Variants in PRELID2 observed in about 807,000 individuals in gnomAD.
PRELID2 encodes the protein PRELI domain containing 2.
In PRELID2, 25 loss-of-function variants were observed where a neutral mutation model predicts 28.4. The observed-to-expected ratio is 0.88, with a 90% CI of 0.64 to 1.23. The LOEUF (loss-of-function observed/expected upper bound fraction) is 1.23. Among genes scored for constraint, PRELID2 ranks in the 50% most tolerant of loss-of-function variants. The pLI, the probability that PRELID2 is intolerant of heterozygous loss-of-function variation, is 0.00. For missense variants in PRELID2, 201 were observed against 214.4 expected (o/e 0.94, Z 0.39); for synonymous variants, 76 against 71.6 (o/e 1.06, Z -0.31).
chr5:145,574,546 G>A (rs1450583190), intron 1 of PRELID2, among the ~76,000 whole-genome samples: 2 of 152,158 alleles, frequency 1.3e-5, no homozygotes, highest in Non-Finnish European at 2.9e-5. Context: ...AGAGAAGGTG[G>A]CTGTCCTCAC....
intron 1 of PRELID2, among the ~76,000 whole-genome samples, chr5:145,825,763 A>G (rs1052234460): frequency 2.6e-5 from 4 of 152,220 alleles, no homozygotes; most frequent in African/African-American, 4.8e-5. Context: ...AGTAGAAGAA[A>G]GTAGGGGTTT....
intron 1 of PRELID2, among the ~76,000 whole-genome samples, chr5:145,620,630 G>A (rs1387672536): frequency 6.6e-6 from 1 of 152,092 alleles, no homozygotes; most frequent in Non-Finnish European, 1.5e-5. Context: ...CAACAATTTG[G>A]GAGGCCAATG....
At chr5:145,717,663 T>A (rs1320798014) in intron 1 of PRELID2, among the ~76,000 whole-genome samples, 6 of 150,906 alleles carry the variant, frequency 4.0e-5, no homozygotes, top group Admixed American at 2.6e-4. Context: ...TATTATTTAA[T>A]ATAATAAATT....
intron 1 of PRELID2, among the ~76,000 whole-genome samples, chr5:145,483,641 G>T (rs1275100097): frequency 6.6e-6 from 1 of 152,142 alleles, no homozygotes; most frequent in African/African-American, 2.4e-5. Context: ...CATCCAACAA[G>T]TGATAGAGCC....
At chr5:145,255,620 A>G in the PRELID2 span, among the ~76,000 whole-genome samples, 2 of 151,756 alleles carry the variant, frequency 1.3e-5, no homozygotes, top group African/African-American at 4.8e-5. Context: ...TAAAAAAAAA[A>G]GAAAAAAGAA....
intron 1 of PRELID2, among the ~76,000 whole-genome samples, chr5:145,700,634 T>C (rs1445837596): frequency 6.6e-6 from 1 of 152,086 alleles, no homozygotes; most frequent in African/African-American, 2.4e-5. Context: ...CAAAAGTATC[T>C]GTCCTTGCTG....
At chr5:145,767,702 G>A (rs141892753) in intron 5 of PRELID2, among the ~76,000 whole-genome samples, 18 of 152,238 alleles carry the variant, frequency 1.2e-4, no homozygotes, top group African/African-American at 2.2e-4. Flanking sequence ...TGAGAGCTGC[G>A]TGCTGAGTAA....
At chr5:145,627,097 C>CAAAAAAAAAAAA (rs745309247) in intron 1 of PRELID2, among the ~76,000 whole-genome samples, 13 of 41,826 alleles carry the variant, frequency 3.1e-4, no homozygotes, top group East Asian at 1.9e-3. Context: ...AAGACTCTCC[C>CAAAAAAAAAAAA]AAAAAAAAAA....
At position 145,586,010 on chromosome 5, in the gene PRELID2, G is replaced by A. The variant is rs1049404837; in HGVS notation, n.71-112695C>T. 6.6e-5 allele frequency among the ~76,000 whole-genome samples: 10 copies of A among 151,252 alleles called. No individual in the cohort carries two copies. The East Asian group carries it at 1.4e-3, about 21-fold the overall frequency. ...AATCCCTGGATCATCCAGAGATTTC[G>A]AGTCTATTGTTCCAGGCTCTTAATA... On this transcript the variant is annotated intron_variant and non_coding_transcript_variant, in intron 1 of 2. Transcript: ENST00000510259.
chr5:145,353,688 T>TCA, the PRELID2 span, among the ~76,000 whole-genome samples: 1 of 152,004 alleles, frequency 6.6e-6, no homozygotes, highest in Non-Finnish European at 1.5e-5. Flanking sequence ...TCATGAGAAC[T>TCA]CACTCATTAT....
chr5:145,451,406 C>A, the PRELID2 span, among the ~76,000 whole-genome samples: 3 of 152,194 alleles, frequency 2.0e-5, no homozygotes, highest in Non-Finnish European at 4.4e-5. Context: ...TTCTGAACAA[C>A]TAGAACACTA....
chr5:145,740,579 T>C (rs181398726), intron 1 of PRELID2, among the ~76,000 whole-genome samples: 97,820 of 115,098 alleles, frequency 0.85, 41,217 homozygotes, highest in East Asian at 0.9. Flanking sequence ...GAAATATATA[T>C]ATTATATATA....
downstream of PRELID2, among the ~76,000 whole-genome samples, chr5:145,467,601 A>T (rs1321200436): frequency 6.6e-6 from 1 of 152,144 alleles, no homozygotes; most frequent in African/African-American, 2.4e-5. Context: ...ACATTTTATC[A>T]TTTAGTCCTC....
At chr5:145,723,452 G>A (rs528374352) in intron 1 of PRELID2, among the ~76,000 whole-genome samples, 5 of 146,232 alleles carry the variant, frequency 3.4e-5, no homozygotes, top group South Asian at 4.5e-4. Flanking sequence ...TTTGCAAAAC[G>A]TATCACAGAT....
the PRELID2 span, chr5:145,229,735 A>G: frequency 2.7e-6 from 2 of 754,520 alleles, no homozygotes; most frequent in Non-Finnish European, 2.4e-6. Context: ...CGGGAAGTGC[A>G]CAAAACCAAT....
downstream of PRELID2, among the ~76,000 whole-genome samples, chr5:145,751,391 C>T (rs1185352072): frequency 6.6e-6 from 1 of 152,186 alleles, no homozygotes; most frequent in Non-Finnish European, 1.5e-5. Flanking sequence ...CCCCAGATCC[C>T]TACCAGCAGA....
In PRELID2 at chr5:145,547,210, AT is replaced by A. The variant is rs541790519; in HGVS notation, n.71-73896del. ...TGGAGTCAAACTGGAGGAACTATTCATTATAACCAAATTTTTTCCCTTAATC... is the reference window on the plus strand; with the variant it reads ...TGGAGTCAAACTGGAGGAACTATTCATATAACCAAATTTTTTCCCTTAATC... On this transcript the variant is annotated intron_variant and non_coding_transcript_variant, in intron 1 of 2. Transcript: ENST00000510259. 6.5e-3 allele frequency among the ~76,000 whole-genome samples: 995 copies of A among 152,310 alleles called. 17 individuals carry two copies. The highest frequency in any genetic ancestry group is 0.022 in the African/African-American group (931 of 41,568).
chr5:145,783,383 G>C (rs1751761964), intron 5 of PRELID2, among the ~76,000 whole-genome samples: 1 of 152,190 alleles, frequency 6.6e-6, no homozygotes, highest in Non-Finnish European at 1.5e-5. Context: ...CCACAAAGCT[G>C]TTTTCCCTGC....
the PRELID2 span, among the ~76,000 whole-genome samples, chr5:145,276,077 G>A: frequency 6.6e-6 from 1 of 152,038 alleles, no homozygotes; most frequent in East Asian, 1.9e-4. Context: ...GTTGCTTAAA[G>A]GTAAGATAAA....
Sources: allele counts gnomAD v4.1 joint callset (sites outside exome capture counted in the v4.1 genomes callset), GRCh38; gene constraint gnomAD v4.1.1; transcripts MANE v1.5; gene names NCBI Gene and HGNC (gene_info 2026-07-23, HGNC 2026-07-21).